The following TSNARE1 variants were observed in gnomAD, a reference collection of about 807,000 sequenced individuals.
TSNARE1 encodes the protein t-SNARE domain containing 1.
In TSNARE1, 49 loss-of-function variants were observed where a neutral mutation model predicts 62.0. That is an observed-to-expected ratio of 0.79 (90% confidence interval 0.63 to 1.00). The LOEUF (loss-of-function observed/expected upper bound fraction) is 1.00, where lower values mean the gene tolerates loss of function less well. Among genes scored for constraint, TSNARE1 ranks in the 50% least tolerant of loss-of-function variants. TSNARE1 has a pLI of 0.00. For synonymous variants in TSNARE1, 328 were observed against 294.4 expected (o/e 1.11, Z -1.17); for missense variants, 755 against 700.1 (o/e 1.08, Z -0.88).
chr8:142,221,156 G>A (rs919223598), intron 13 of TSNARE1, among the ~76,000 whole-genome samples: 1 of 152,188 alleles, frequency 6.6e-6, no homozygotes, highest in Non-Finnish European at 1.5e-5. Flanking sequence ...GAGAAATGGG[G>A]ACCTCACAGC....
chr8:142,363,000 T>A (rs934919496), intron 1 of TSNARE1, among the ~76,000 whole-genome samples: 4 of 152,060 alleles, frequency 2.6e-5, no homozygotes, highest in African/African-American at 9.7e-5. Flanking sequence ...CCTGGCCCCA[T>A]CCTAACTCAT....
At chr8:142,396,344 C>T (rs1290760695) in intron 1 of TSNARE1, among the ~76,000 whole-genome samples, 1 of 152,092 alleles carries the variant, frequency 6.6e-6, no homozygotes, top group Non-Finnish European at 1.5e-5. Context: ...GGGCTCACAC[C>T]ACCCCGACCT....
rs911728181 is a variant in TSNARE1 at position 142,358,786 on chromosome 8, C to A, written c.-39-4023G>T. On this transcript the variant is annotated intron_variant, in intron 1 of 13. Transcript: ENST00000524325. ...CTGGAATCCAGTGGGTGCAACCCCC[C>A]CATCGCTGGGAGACCACAAGGGGCC... Among the ~76,000 whole-genome samples the A allele has an allele frequency of 3.3e-5, 5 of 152,082 alleles. No homozygotes were observed. In the East Asian group the frequency reaches 7.7e-4, roughly 23 times the overall value.
chr8:142,308,394 C>T (rs1046341359), intron 9 of TSNARE1, among the ~76,000 whole-genome samples: 1 of 152,176 alleles, frequency 6.6e-6, no homozygotes, highest in Non-Finnish European at 1.5e-5. Flanking sequence ...GGTGAGCTGA[C>T]GTTTGCAAAG....
intron 10 of TSNARE1, among the ~76,000 whole-genome samples, chr8:142,285,166 T>C (rs1341398961): frequency 3.3e-5 from 5 of 150,430 alleles, no homozygotes; most frequent in African/African-American, 1.2e-4. Context: ...AATAGATGGG[T>C]GAGTGGATGG....
chr8:142,375,781 C>T (rs1215951829), intron 1 of TSNARE1, among the ~76,000 whole-genome samples: 1 of 152,238 alleles, frequency 6.6e-6, no homozygotes, highest in African/African-American at 2.4e-5. Flanking sequence ...CCAGAAGATG[C>T]GGCTTCCTAG....
intron 12 of TSNARE1, among the ~76,000 whole-genome samples, chr8:142,241,848 T>C (rs1299141003): frequency 6.6e-6 from 1 of 151,512 alleles, no homozygotes; most frequent in Admixed American, 6.6e-5. Context: ...TATACAACAA[T>C]CAACTCAAAA....
At chr8:142,274,750 GCC>G (rs1820163476) in intron 12 of TSNARE1, 29 bp downstream of exon 12, 1 of 1,486,550 alleles carries the variant, frequency 6.7e-7, no homozygotes, top group African/African-American at 1.4e-5. Flanking sequence ...GGCCGGGCCG[GCC>G]GGGCACTGTG....
At chr8:142,244,761 A>G (rs1817811560) in intron 12 of TSNARE1, among the ~76,000 whole-genome samples, 1 of 152,216 alleles carries the variant, frequency 6.6e-6, no homozygotes, top group Admixed American at 6.5e-5. Flanking sequence ...GCAGGGAGAG[A>G]GACGCTTACC....
intron 12 of TSNARE1, among the ~76,000 whole-genome samples, chr8:142,260,608 C>G (rs1818812013): frequency 6.6e-6 from 1 of 152,122 alleles, no homozygotes; most frequent in South Asian, 2.1e-4. Context: ...GCCCCGTTCC[C>G]CTGGAAAGCT....
intron 13 of TSNARE1, 25 bp downstream of exon 13, chr8:142,229,448 G>C (rs867469929): frequency 1.3e-6 from 2 of 1,552,286 alleles, no homozygotes; most frequent in African/African-American, 1.4e-5. Flanking sequence ...TGAATGGATG[G>C]TGTACGGGTA....
chr8:142,225,012 A>G (rs976973327), intron 13 of TSNARE1, among the ~76,000 whole-genome samples: 2 of 152,094 alleles, frequency 1.3e-5, no homozygotes, highest in Admixed American at 6.5e-5. Context: ...CAACAGAGCC[A>G]AGGGAGGCGT....
intron 12 of TSNARE1, chr8:142,271,315 G>T: frequency 3.6e-6 from 4 of 1,123,374 alleles, no homozygotes; most frequent in Non-Finnish European, 4.4e-6. Flanking sequence ...GGCTCTGCTC[G>T]GCCAGCCGCT....
At chr8:142,271,494 A>G in intron 12 of TSNARE1, 1 of 1,292,644 alleles carries the variant, frequency 7.7e-7, no homozygotes, top group Non-Finnish European at 9.8e-7. Context: ...GGCGCCGAAG[A>G]GGGCGGGGAA....
At chr8:142,288,563 T>C (rs1369991732) in intron 10 of TSNARE1, among the ~76,000 whole-genome samples, 1 of 152,252 alleles carries the variant, frequency 6.6e-6, no homozygotes, top group East Asian at 1.9e-4. Context: ...AAGGGTTTTG[T>C]AGTCAGTGCT....
intron 10 of TSNARE1, among the ~76,000 whole-genome samples, chr8:142,286,610 G>A (rs937496832): frequency 6.6e-6 from 1 of 152,276 alleles, no homozygotes; most frequent in Non-Finnish European, 1.5e-5. Flanking sequence ...GGCCCGGGCC[G>A]GTTTCTGGTC....
intron 1 of TSNARE1, among the ~76,000 whole-genome samples, chr8:142,376,619 G>A (rs1836365426): frequency 6.6e-6 from 1 of 152,194 alleles, no homozygotes; most frequent in South Asian, 2.1e-4. Context: ...ATGAGTGTCT[G>A]TCACCAGCCA....
chr8:142,315,021 G>A lies in TSNARE1; in HGVS notation c.1056C>T (p.Cys352=), dbSNP rs372126542. The stretch of plus-strand genomic sequence containing the variant: ...ACCTCACCTTCTGCACCACTCCATA[G>A]CACTGAATGGCATCTGAGAGCTGGG... The part of the protein sequence containing the change: ...LKTQLSDAIQ[C]YGVVQKKIAE... Residue 352 remains cysteine, a synonymous_variant, in exon 8 of 14, where the codon TGC becomes TGT. Transcript: ENST00000524325. 59 of 1,613,990 alleles carry A rather than the reference G, an allele frequency of 3.7e-5. No individual in the cohort carries two copies. The highest frequency in any genetic ancestry group is 4.6e-5 in the Non-Finnish European group (54 of 1,180,016).
rs1834553555 is a variant in TSNARE1 at position 142,354,642 on chromosome 8, G to A, written c.83C>T (p.Pro28Leu). ...CTTCCAGCTACTATCATTACCTAGG[G>A]GCTGACAGCCTTGTCTCGAAGGTCC... The part of the protein sequence containing the change: ...FGGPSRQGCQ[P>L]LECARCWTEY... The change falls in exon 2 of 14, where the codon CCC becomes CTC. Residue 28 changes from proline to leucine, a missense_variant. Coordinates refer to ENST00000524325, the MANE Select transcript of TSNARE1 (RefSeq NM_145003.5). 6.2e-7 allele frequency: 1 copy of A among 1,611,800 alleles called. No homozygotes were observed. Among genetic ancestry groups the A allele is most frequent in the African/African-American group, 1.3e-5 (1 of 74,748 alleles).
Sources: allele counts gnomAD v4.1 joint callset (sites outside exome capture counted in the v4.1 genomes callset), GRCh38; gene constraint gnomAD v4.1.1; transcripts MANE v1.5; gene names NCBI Gene and HGNC (gene_info 2026-07-23, HGNC 2026-07-21).